The following SSBP2 variants were observed in gnomAD, a reference collection of about 807,000 sequenced individuals.
SSBP2 encodes single stranded DNA binding protein 2.
Under a neutral mutation model 61.8 loss-of-function variants are expected in SSBP2, and 17 were observed. That is an observed-to-expected ratio of 0.28 (90% CI 0.19 to 0.41). The LOEUF (loss-of-function observed/expected upper bound fraction) is 0.41. SSBP2 is among the 10% of genes least tolerant of loss of function. SSBP2 has a pLI of 1.00. For synonymous variants in SSBP2, 139 were observed against 141.3 expected, an observed-to-expected ratio of 0.98 and a Z score of 0.12; for missense variants, 310 against 458.7, an observed-to-expected ratio of 0.68 and a Z score of 2.96.
chr5:81,675,788 A>C (rs1751927122), intron 1 of SSBP2, among the ~76,000 whole-genome samples: 1 of 152,116 alleles, frequency 6.6e-6, no homozygotes, highest in African/African-American at 2.4e-5. Flanking sequence ...TGACTCCCTC[A>C]AAGTTAAAAC....
intron 1 of SSBP2, among the ~76,000 whole-genome samples, chr5:81,746,525 G>C (rs1009935387): frequency 1.2e-4 from 18 of 152,176 alleles, no homozygotes; most frequent in African/African-American, 4.1e-4. Flanking sequence ...CTTAATGATG[G>C]GGGAATGCTT....
chr5:81,574,122 C>T (rs1003773166), intron 4 of SSBP2, among the ~76,000 whole-genome samples: 1 of 152,012 alleles, frequency 6.6e-6, no homozygotes, highest in East Asian at 1.9e-4. Flanking sequence ...GCCTGGGTGA[C>T]AGAGTGAGAC....
chr5:81,683,147 T>C (rs1189793946), intron 1 of SSBP2, among the ~76,000 whole-genome samples: 4 of 152,138 alleles, frequency 2.6e-5, no homozygotes, highest in African/African-American at 9.6e-5. Flanking sequence ...ATTTTGTGGA[T>C]ATCAAAAAAT....
At position 81,448,793 on chromosome 5, in the gene SSBP2, A is replaced by G. The variant is rs747682176; in HGVS notation, c.720T>C (p.Tyr240=). 7 of 1,612,722 alleles carry G rather than the reference A, an allele frequency of 4.3e-6. No homozygotes were observed. Among genetic ancestry groups the G allele is most frequent in the African/African-American group, 2.7e-5 (2 of 74,908 alleles). Residue 240 remains tyrosine, a synonymous_variant, in exon 11 of 17, where the codon TAT becomes TAC. Transcript: ENST00000320672. ...AAACAAACCCAAATGTACTTACTAC[A>G]TAATTCCCAGGAGATGCTGAGGAGT...
chr5:81,536,237 G>A (rs566494935), intron 4 of SSBP2, among the ~76,000 whole-genome samples: 82 of 152,018 alleles, frequency 5.4e-4, no homozygotes, highest in Non-Finnish European at 1.0e-3. Context: ...CATAAATGCT[G>A]GTAAGGATAT....
chr5:81,669,767 T>A (rs1751447040), intron 1 of SSBP2, among the ~76,000 whole-genome samples: 1 of 150,458 alleles, frequency 6.6e-6, no homozygotes. Flanking sequence ...TGCACATGTA[T>A]CCCCTTTTTT....
chr5:81,488,730 T>A (rs1010075725), intron 6 of SSBP2, among the ~76,000 whole-genome samples: 12 of 120,232 alleles, frequency 1.0e-4, no homozygotes, highest in Non-Finnish European at 2.0e-4. Context: ...CAGTCCCCAG[T>A]GTGTGATGTT....
At chr5:81,507,855 C>G (rs1459654625) in intron 5 of SSBP2, among the ~76,000 whole-genome samples, 1 of 152,048 alleles carries the variant, frequency 6.6e-6, no homozygotes, top group Non-Finnish European at 1.5e-5. Context: ...AGTTAATAAT[C>G]TAATTTTTTA....
intron 4 of SSBP2, among the ~76,000 whole-genome samples, chr5:81,516,484 A>G (rs1384675517): frequency 6.6e-6 from 1 of 152,102 alleles, no homozygotes; most frequent in East Asian, 1.9e-4. Context: ...CCCAGTATAA[A>G]GCACTAGTCC....
intron 1 of SSBP2, among the ~76,000 whole-genome samples, chr5:81,705,739 T>C (rs1399406609): frequency 1.3e-5 from 2 of 152,210 alleles, no homozygotes; most frequent in African/African-American, 4.8e-5. Context: ...TGACTATGAA[T>C]ACTGGTATTA....
At chr5:81,738,709 C>T (rs902011718) in intron 1 of SSBP2, among the ~76,000 whole-genome samples, 2 of 152,172 alleles carry the variant, frequency 1.3e-5, no homozygotes, top group African/African-American at 2.4e-5. Flanking sequence ...CCTGAAATGA[C>T]CACTGCATTG....
chr5:81,524,710 C>T (rs961695668), intron 4 of SSBP2, among the ~76,000 whole-genome samples: 7 of 152,010 alleles, frequency 4.6e-5, no homozygotes, highest in African/African-American at 1.7e-4. Flanking sequence ...TGTGGTTCCC[C>T]TGGTCTCATA....
chr5:81,594,383 A>C (rs1260201103), intron 4 of SSBP2, among the ~76,000 whole-genome samples: 4 of 152,166 alleles, frequency 2.6e-5, no homozygotes, highest in Non-Finnish European at 5.9e-5. Flanking sequence ...ACTCCCACAC[A>C]ATAATAATGG....
rs181127492 is a variant in SSBP2, at chr5:81,474,641, T to C, written c.433-79A>G. 9.6e-5 allele frequency: 96 copies of C among 997,284 alleles called. No homozygotes were observed. The East Asian group carries it at 2.6e-3, about 27-fold the overall frequency. The allele number at this position is 997,284 out of a possible 1,614,324, so 61.8% of individuals were successfully genotyped here. On this transcript the variant is annotated intron_variant, in intron 6 of 16. Coordinates refer to ENST00000320672, the MANE Select transcript of SSBP2 (RefSeq NM_012446.5). ...AGTTTTTTAACAATTTCCTTTTAAATGCTTGTATGATAATTACAAGAATGC... is the reference window on the plus strand; with the variant it reads ...AGTTTTTTAACAATTTCCTTTTAAACGCTTGTATGATAATTACAAGAATGC...
At chr5:81,434,415 T>C (rs1043440879) in intron 15 of SSBP2, among the ~76,000 whole-genome samples, 2 of 151,844 alleles carry the variant, frequency 1.3e-5, no homozygotes, top group Admixed American at 6.6e-5. Flanking sequence ...CCCAGAACTT[T>C]GAGAGGCCGA....
chr5:81,531,973 A>G (rs1214517598), intron 4 of SSBP2, among the ~76,000 whole-genome samples: 1 of 152,122 alleles, frequency 6.6e-6, no homozygotes, highest in Non-Finnish European at 1.5e-5. Context: ...AAATGTTCTC[A>G]GTTTTCTCTG....
chr5:81,747,692 T>C (rs1420483369), intron 1 of SSBP2, among the ~76,000 whole-genome samples: 1 of 152,146 alleles, frequency 6.6e-6, no homozygotes, highest in African/African-American at 2.4e-5. Flanking sequence ...CTTTTGGTAT[T>C]AGAAGGCACC....
intron 9 of SSBP2, among the ~76,000 whole-genome samples, chr5:81,463,472 G>T (rs942935157): frequency 1.3e-5 from 2 of 152,138 alleles, no homozygotes; most frequent in Non-Finnish European, 2.9e-5. Context: ...GGCCGAGGCG[G>T]GGGGACCACT....
chr5:81,667,364 T>C (rs541158914), intron 1 of SSBP2, among the ~76,000 whole-genome samples: 64 of 151,100 alleles, frequency 4.2e-4, no homozygotes, highest in African/African-American at 1.5e-3. Flanking sequence ...GTTCCTTTAC[T>C]AGAGCAGGCA....
Sources: gnomAD v4.1 joint callset for allele counts (sites outside exome capture counted in the v4.1 genomes callset) on GRCh38, gnomAD v4.1.1 for gene constraint, MANE v1.5 for transcripts, NCBI Gene and HGNC (gene_info 2026-07-23, HGNC 2026-07-21) for gene names.